The following SPRED2 variants were observed in gnomAD, a reference collection of about 807,000 sequenced individuals.
SPRED2 encodes sprouty-related, EVH1 domain-containing protein 2.
SPRED2 carries 47 observed loss-of-function variants against 43.0 expected under a neutral mutation model. The ratio of observed to expected loss-of-function variants is 1.09; its 90% CI spans 0.87 to 1.40. SPRED2 has a LOEUF of 1.40. Among genes scored for constraint, SPRED2 ranks in the 40% most tolerant of loss-of-function variants. The pLI, the probability that SPRED2 is intolerant of heterozygous loss-of-function variation, is 0.00. For missense variants in SPRED2, 561 were observed against 586.4 expected (o/e 0.96, Z 0.45); for synonymous variants, 225 against 225.7 (o/e 1.00, Z 0.03).
At chr2:65,400,776 A>C (rs1001579590) in intron 1 of SPRED2, among the ~76,000 whole-genome samples, 12 of 152,096 alleles carry the variant, frequency 7.9e-5, no homozygotes, top group African/African-American at 2.7e-4. Flanking sequence ...TCCAGAATTC[A>C]GGATTCTGCA....
chr2:65,341,980 C>A (rs1462979718), intron 2 of SPRED2, among the ~76,000 whole-genome samples: 6 of 151,736 alleles, frequency 4.0e-5, no homozygotes, highest in African/African-American at 1.5e-4. Flanking sequence ...GCAAATATGA[C>A]AGATGGAGAT....
In SPRED2 at chr2:65,311,547, C is replaced by T. The variant is rs1414208243; in HGVS notation, c.*1954G>A. ...GTAGAGAAGAGACCCTAGAGAAAGACCCCAAGGAAGTGCCTCCGGGTCGGG... is the reference window on the plus strand; with the variant it reads ...GTAGAGAAGAGACCCTAGAGAAAGATCCCAAGGAAGTGCCTCCGGGTCGGG... On this transcript the variant is annotated 3_prime_UTR_variant, in exon 6 of 6. Coordinates refer to ENST00000356388, the MANE Select transcript of SPRED2 (RefSeq NM_181784.3). 2.0e-5 allele frequency: 20 copies of T among 985,696 alleles called. No individual in the cohort carries two copies. Among genetic ancestry groups the T allele is most frequent in the Non-Finnish European group, 2.3e-5 (19 of 829,926 alleles). The allele number at this position is 985,696 out of a possible 1,614,324, so 61.1% of individuals were successfully genotyped here.
intron 1 of SPRED2, among the ~76,000 whole-genome samples, chr2:65,374,364 T>G (rs1305309629): frequency 6.6e-6 from 1 of 152,242 alleles, no homozygotes; most frequent in Non-Finnish European, 1.5e-5. Flanking sequence ...ATCAAGTTCC[T>G]TGTACAAATT....
At chr2:65,409,099 T>C (rs759066642) in intron 1 of SPRED2, among the ~76,000 whole-genome samples, 1 of 152,228 alleles carries the variant, frequency 6.6e-6, no homozygotes, top group Non-Finnish European at 1.5e-5. Context: ...TTATGAGCCC[T>C]TTTTCTATAT....
At chr2:65,345,491 C>T (rs937783259) in intron 1 of SPRED2, among the ~76,000 whole-genome samples, 5 of 152,086 alleles carry the variant, frequency 3.3e-5, no homozygotes, top group African/African-American at 1.2e-4. Flanking sequence ...GAACTCCTGA[C>T]ATCAGGTGAT....
intron 1 of SPRED2, among the ~76,000 whole-genome samples, chr2:65,376,568 G>A (rs1675243089): frequency 6.6e-6 from 1 of 152,010 alleles, no homozygotes; most frequent in African/African-American, 2.4e-5. Context: ...CATGCCAGTG[G>A]TACCCATTTC....
chr2:65,339,326 C>T (rs937212076), intron 2 of SPRED2, among the ~76,000 whole-genome samples: 1 of 151,858 alleles, frequency 6.6e-6, no homozygotes. Flanking sequence ...GGATGGTTGC[C>T]GTGTCTGTGT....
Position 65,432,055 on chromosome 2 carries a change from G to GC in SPRED2, c.-69dup, listed in dbSNP as rs1386587233. The GC allele has an allele frequency of 3.1e-6, 5 of 1,597,590 alleles. No individual in the cohort carries two copies. The highest frequency in any genetic ancestry group is 4.3e-6 in the Non-Finnish European group (5 of 1,167,874). ...GCTCCCTTCATCTTCCTGTCCGCTC[G>GC]CCCCCCTTCTTCACATCTCCGGAGA... On this transcript the variant is annotated 5_prime_UTR_variant, in exon 1 of 6. Transcript: ENST00000356388.
At chr2:65,308,307 GCCA>G (rs1275646549), downstream of SPRED2, 2 of 985,324 alleles carry the variant, frequency 2.0e-6, no homozygotes, top group Non-Finnish European at 2.4e-6. Flanking sequence ...TCCCACAGAG[GCCA>G]CCGACTTTTT....
chr2:65,418,928 TA>T (rs1676354876), intron 1 of SPRED2, among the ~76,000 whole-genome samples: 1 of 152,156 alleles, frequency 6.6e-6, no homozygotes, highest in African/African-American at 2.4e-5. Context: ...AGTCTTTTTT[TA>T]AAAAATATAA....
chr2:65,413,076 CT>C (rs1418495115), intron 1 of SPRED2, among the ~76,000 whole-genome samples: 8 of 152,320 alleles, frequency 5.3e-5, no homozygotes, highest in African/African-American at 1.9e-4. Flanking sequence ...TGGGGAACTC[CT>C]TTCCCCATCC....
intron 1 of SPRED2, among the ~76,000 whole-genome samples, chr2:65,371,318 A>G (rs999674923): frequency 6.6e-6 from 1 of 152,190 alleles, no homozygotes; most frequent in African/African-American, 2.4e-5. Flanking sequence ...AACCATTCTA[A>G]CTGCCTTCAG....
Position 65,338,116 on chromosome 2 carries a change from A to G in SPRED2, c.205-3343T>C, listed in dbSNP as rs937177372. ...TGATGTTACAAAATCAGGGATGAGT[A>G]AGAGATCTATTGAAAGTGAAAGAGT... On this transcript the variant is annotated intron_variant, in intron 2 of 5. Coordinates refer to ENST00000356388, the MANE Select transcript of SPRED2 (RefSeq NM_181784.3). 3.3e-5 allele frequency among the ~76,000 whole-genome samples: 5 copies of G among 152,038 alleles called. No homozygotes were observed. In the South Asian group the frequency reaches 1.0e-3, roughly 32 times the overall value.
At chr2:65,336,097 G>C (rs932719439) in intron 2 of SPRED2, among the ~76,000 whole-genome samples, 10 of 152,242 alleles carry the variant, frequency 6.6e-5, no homozygotes, top group Admixed American at 1.3e-4. Context: ...GCTCATGCCT[G>C]TAATCCCAGC....
intron 4 of SPRED2, among the ~76,000 whole-genome samples, chr2:65,322,286 A>ATTTTTTT (rs1558649792): frequency 2.0e-5 from 2 of 98,372 alleles, no homozygotes; most frequent in Admixed American, 1.1e-4. Flanking sequence ...ATATATATAT[A>ATTTTTTT]TATATATATT....
intron 1 of SPRED2, among the ~76,000 whole-genome samples, chr2:65,412,399 A>G (rs539451033): frequency 2.6e-5 from 4 of 152,294 alleles, no homozygotes; most frequent in Admixed American, 6.5e-5. Flanking sequence ...CAGGGCTGAC[A>G]AGAATTGCAC....
chr2:65,339,423 T>C (rs148829614), intron 2 of SPRED2, among the ~76,000 whole-genome samples: 40,194 of 150,686 alleles, frequency 0.27, 6,690 homozygotes, highest in East Asian at 0.7. Flanking sequence ...TCTATGACCT[T>C]ACCCCCAACC....
intron 4 of SPRED2, among the ~76,000 whole-genome samples, chr2:65,327,935 G>GCT (rs1673691752): frequency 6.6e-6 from 1 of 151,222 alleles, no homozygotes; most frequent in East Asian, 2.0e-4. Context: ...TGTTGGCCAG[G>GCT]CTGGTCTTGA....
intron 1 of SPRED2, among the ~76,000 whole-genome samples, chr2:65,405,912 A>G (rs1421091048): frequency 6.6e-6 from 1 of 152,014 alleles, no homozygotes; most frequent in African/African-American, 2.4e-5. Context: ...CAGGCACTCC[A>G]TAATTCAAAC....
Sources: gnomAD v4.1 joint callset for allele counts (sites outside exome capture counted in the v4.1 genomes callset) on GRCh38, gnomAD v4.1.1 for gene constraint, MANE v1.5 for transcripts, NCBI Gene and HGNC (gene_info 2026-07-23, HGNC 2026-07-21) for gene names.